ETFRF1: variants seen among roughly 807,000 people sequenced by gnomAD.
The protein encoded by ETFRF1 is electron transfer flavoprotein regulatory factor 1.
A neutral mutation model predicts 9.0 loss-of-function variants in ETFRF1; 12 were observed. The ratio of observed to expected loss-of-function variants is 1.34; its 90% CI spans 0.86 to 2.16. The LOEUF (loss-of-function observed/expected upper bound fraction) is 2.16. Ranked by LOEUF, ETFRF1 falls within the 30% of genes most tolerant of loss-of-function variation. The pLI, the probability that ETFRF1 is intolerant of heterozygous loss-of-function variation, is 0.00. For missense variants in ETFRF1, 98 were observed against 101.8 expected, an observed-to-expected ratio of 0.96 and a Z score of 0.16; for synonymous variants, 34 against 33.2, an observed-to-expected ratio of 1.02 and a Z score of -0.08.
intron 1 of ETFRF1, among the ~76,000 whole-genome samples, chr12:25,197,800 C>G (rs967603487): frequency 6.6e-6 from 1 of 151,988 alleles, no homozygotes; most frequent in Non-Finnish European, 1.5e-5. Context: ...GATTATTTCA[C>G]GCTGCTAATG....
At position 25,204,474 on chromosome 12, in the gene ETFRF1, G is replaced by GT. The variant is rs1951110094; in HGVS notation, c.*163dup. On this transcript the variant is annotated 3_prime_UTR_variant, in exon 3 of 3. Coordinates refer to ENST00000381356, the MANE Select transcript of ETFRF1 (RefSeq NM_001001660.3). ...TTCAACTTCTGTTCATACGGAGAAA[G>GT]TATCAGCAACTTTATGCTCAATTTT... is the stretch of plus-strand genomic sequence containing the variant. 1 of 483,640 alleles carries GT rather than the reference G, an allele frequency of 2.1e-6. No individual in the cohort carries two copies. Among genetic ancestry groups the GT allele is most frequent in the Admixed American group, 4.0e-5 (1 of 24,730 alleles). 30.0% of individuals were successfully genotyped at this position (483,640 alleles called of 1,614,324 possible). A position where few individuals can be genotyped will look rare whatever the true frequency, so the allele number is the denominator to read the frequency against.
At chr12:25,201,742 G>A (rs1434791047) in intron 1 of ETFRF1, among the ~76,000 whole-genome samples, 5 of 150,006 alleles carry the variant, frequency 3.3e-5, no homozygotes, top group African/African-American at 9.8e-5. Context: ...AAAGGGGCAG[G>A]TGAGGTCACA....
intron 1 of ETFRF1, among the ~76,000 whole-genome samples, chr12:25,200,665 G>A (rs1212175787): frequency 6.6e-6 from 1 of 152,176 alleles, no homozygotes; most frequent in African/African-American, 2.4e-5. Context: ...ACAGATAGAG[G>A]GAGCCAGCCA....
chr12:25,203,970 A>T lies in ETFRF1; in HGVS notation c.14A>T (p.Asn5Ile). The stretch of plus-strand genomic sequence containing the variant: ...TTTACATGATAAATGAAAATGGCCA[A>T]TTCTTTAAGAGGAGAAGTACTAAAA... MKMA[N>I]SLRGEVLKLY... is the part of the protein sequence containing the mutation. The change falls in exon 2 of 3, where the codon AAT (asparagine) becomes ATT (isoleucine). Residue 5 changes from asparagine (N) to isoleucine (I), a missense_variant. By Grantham distance (149) the Asn-to-Ile change is moderately radical (BLOSUM62 -3). Coordinates refer to ENST00000381356, the MANE Select transcript of ETFRF1 (RefSeq NM_001001660.3). 3 of 1,479,176 alleles carry T rather than the reference A, an allele frequency of 2.0e-6. No individual in the cohort carries two copies. Among genetic ancestry groups the T allele is most frequent in the Non-Finnish European group, 2.7e-6 (3 of 1,115,606 alleles). The allele number at this position is 1,479,176 out of a possible 1,614,324, so 91.6% of individuals were successfully genotyped here.
intron 1 of ETFRF1, among the ~76,000 whole-genome samples, chr12:25,200,222 GAC>G (rs1162567442): frequency 6.6e-5 from 10 of 151,190 alleles, no homozygotes; most frequent in Non-Finnish European, 1.5e-4. Context: ...AAAAAAAAAA[GAC>G]AAATGGAAAA....
intron 1 of ETFRF1, among the ~76,000 whole-genome samples, chr12:25,198,375 A>G (rs1224500235): frequency 6.6e-6 from 1 of 152,180 alleles, no homozygotes; most frequent in Non-Finnish European, 1.5e-5. Context: ...GAGGTTCCCC[A>G]GTAAAGGCCC....
In ETFRF1 at chr12:25,204,935, C is replaced by T. The variant is rs1803873; in HGVS notation, c.*623C>T. On this transcript the variant is annotated 3_prime_UTR_variant, in exon 3 of 3. Coordinates refer to ENST00000381356, the MANE Select transcript of ETFRF1 (RefSeq NM_001001660.3). The stretch of plus-strand genomic sequence containing the variant: ...CCATTATTAATGTTGCTGCTGCTAC[C>T]TTTGGGCCTAAAACCAAGTCACCTG... The T allele has an allele frequency of 4.9e-6, 1 of 203,200 alleles. No homozygotes were observed. 12.6% of individuals were successfully genotyped at this position (203,200 alleles called of 1,614,324 possible).
At chr12:25,200,133 C>T (rs1357755846) in intron 1 of ETFRF1, among the ~76,000 whole-genome samples, 1 of 151,966 alleles carries the variant, frequency 6.6e-6, no homozygotes, top group Non-Finnish European at 1.5e-5. Context: ...TCACTTGAAC[C>T]CAGGAGGCGG....
chr12:25,199,720 T>C (rs1175204245), intron 1 of ETFRF1, among the ~76,000 whole-genome samples: 2 of 151,978 alleles, frequency 1.3e-5, no homozygotes, highest in Non-Finnish European at 2.9e-5. Flanking sequence ...GCATCTTTGA[T>C]TCCTTCCTGG....
At chr12:25,201,043 A>G (rs1387654464) in intron 1 of ETFRF1, among the ~76,000 whole-genome samples, 1 of 152,212 alleles carries the variant, frequency 6.6e-6, no homozygotes, top group East Asian at 1.9e-4. Flanking sequence ...CCATGTGGTG[A>G]TGAAATTCCT....
At position 25,205,132 on chromosome 12, in the gene ETFRF1, T is replaced by TAACA. The variant is rs1488172845; in HGVS notation, c.*822_*825dup. Reference sequence around the variant, plus strand: ...ACCTTTTAGAAATAAAGGATACTTCTAACAAGCTGCATAAAAGATTCACTG... The same window carrying TAACA: ...ACCTTTTAGAAATAAAGGATACTTCTAACAAACAAGCTGCATAAAAGATTCACTG... On this transcript the variant is annotated 3_prime_UTR_variant, in exon 3 of 3. Transcript: ENST00000381356. The TAACA allele has an allele frequency of 2.3e-5, 5 of 217,010 alleles. No individual in the cohort carries two copies. The highest frequency in any genetic ancestry group is 4.5e-5 in the African/African-American group (2 of 44,442). The allele number at this position is 217,010 out of a possible 1,614,324, so 13.4% of individuals were successfully genotyped here.
chr12:25,195,296 G>C lies in ETFRF1; in HGVS notation c.-79G>C, dbSNP rs1950959224. 1.6e-6 allele frequency: 1 copy of C among 614,434 alleles called. No homozygotes were observed. The highest frequency in any genetic ancestry group is 2.7e-5 in the East Asian group (1 of 36,548). 38.1% of individuals were successfully genotyped at this position (614,434 alleles called of 1,614,324 possible). On this transcript the variant is annotated 5_prime_UTR_variant, in exon 1 of 3. Coordinates refer to ENST00000381356, the MANE Select transcript of ETFRF1 (RefSeq NM_001001660.3). ...CGCTTCGCAGTAGACGGACAGAGGA[G>C]TCGTAGCGGTCGAGGCTTTTGCGGC...
At chr12:25,203,377 T>TACTA (rs1485132297) in intron 1 of ETFRF1, among the ~76,000 whole-genome samples, 1 of 152,236 alleles carries the variant, frequency 6.6e-6, no homozygotes, top group African/African-American at 2.4e-5. Flanking sequence ...ACTGCCCATC[T>TACTA]ACTATTCCAA....
intron 1 of ETFRF1, among the ~76,000 whole-genome samples, chr12:25,197,364 T>C (rs1328611349): frequency 6.6e-6 from 1 of 152,252 alleles, no homozygotes; most frequent in Non-Finnish European, 1.5e-5. Flanking sequence ...GAAGCTGTGC[T>C]GTTAGGCATT....
At chr12:25,202,668 G>A (rs73073207) in intron 1 of ETFRF1, among the ~76,000 whole-genome samples, 17,286 of 152,026 alleles carry the variant, frequency 0.11, 1,326 homozygotes, top group Admixed American at 0.16. Flanking sequence ...TGTGTGCGCC[G>A]AATGGTGACA....
In ETFRF1 at chr12:25,195,318, C is replaced by T. The variant is rs1377859534; in HGVS notation, c.-57C>T. ...GGAGTCGTAGCGGTCGAGGCTTTTGCGGCTCCGGCGTGCCGGAAAGTGCGT... is the reference window on the plus strand; with the variant it reads ...GGAGTCGTAGCGGTCGAGGCTTTTGTGGCTCCGGCGTGCCGGAAAGTGCGT... On this transcript the variant is annotated 5_prime_UTR_variant, in exon 1 of 3. Transcript: ENST00000381356. The T allele has an allele frequency of 5.0e-6, 3 of 601,956 alleles. No individual in the cohort carries two copies. Among genetic ancestry groups the T allele is most frequent in the Non-Finnish European group, 8.9e-6 (3 of 338,644 alleles). The allele number at this position is 601,956 out of a possible 1,614,324, so 37.3% of individuals were successfully genotyped here.
Position 25,204,505 on chromosome 12 carries a change from A to G in ETFRF1, c.*193A>G. On this transcript the variant is annotated 3_prime_UTR_variant, in exon 3 of 3. Transcript: ENST00000381356. ...GCAACTTTATGCTCAATTTTGATAC[A>G]AACATAGCAATTTAGCTATACTACC... 2.4e-6 allele frequency: 1 copy of G among 423,556 alleles called. No homozygotes were observed. The allele number at this position is 423,556 out of a possible 1,614,324, so 26.2% of individuals were successfully genotyped here.
intron 1 of ETFRF1, among the ~76,000 whole-genome samples, chr12:25,202,944 G>C (rs180839168): frequency 1.3e-5 from 2 of 152,284 alleles, no homozygotes; most frequent in East Asian, 3.9e-4. Context: ...GAGGACCTGG[G>C]AACAGTGACA....
Position 25,204,075 on chromosome 12 carries a change from A to ATCTT in ETFRF1, c.52-10_52-7dup. ...GACATGGATTGTTTAGAAATATATAATCTTTCTTTTTGAAGCTGCTGTATC... is the reference window on the plus strand; with the variant it reads ...GACATGGATTGTTTAGAAATATATAATCTTTCTTTCTTTTTGAAGCTGCTGTATC... On this transcript the variant is annotated splice_polypyrimidine_tract_variant and intron_variant, in intron 2 of 2. Transcript: ENST00000381356. 1 of 1,556,032 alleles carries ATCTT rather than the reference A, an allele frequency of 6.4e-7. No homozygotes were observed. Among genetic ancestry groups the ATCTT allele is most frequent in the South Asian group, 1.2e-5 (1 of 84,562 alleles).
Sources: allele counts gnomAD v4.1 joint callset (sites outside exome capture counted in the v4.1 genomes callset), GRCh38; gene constraint gnomAD v4.1.1; transcripts MANE v1.5; gene names NCBI Gene and HGNC (gene_info 2026-07-23, HGNC 2026-07-21).